R3HDM1: variants seen among roughly 807,000 people sequenced by gnomAD.
R3HDM1 encodes the protein R3H domain-containing protein 1.
R3HDM1 carries 46 observed loss-of-function variants against 141.1 expected under a neutral mutation model. The ratio of observed to expected loss-of-function variants is 0.33; its 90% CI spans 0.26 to 0.42. The LOEUF is 0.42. Ranked by LOEUF, R3HDM1 falls within the 10% of genes least tolerant of loss-of-function variation. The pLI, the probability that R3HDM1 is intolerant of heterozygous loss-of-function variation, is 1.00. For synonymous variants in R3HDM1, 435 were observed against 472.9 expected (o/e 0.92, Z 1.04); for missense variants, 1,184 against 1,368.3 (o/e 0.87, Z 2.12).
At chr2:135,717,798 G>A (rs1387701509) in intron 24 of R3HDM1, among the ~76,000 whole-genome samples, 1 of 152,198 alleles carries the variant, frequency 6.6e-6, no homozygotes, top group Admixed American at 6.5e-5. Flanking sequence ...AGTTTCCTAA[G>A]ACTTTAATCA....
intron 5 of R3HDM1, 55 bp downstream of exon 5, chr2:135,616,812 G>C: frequency 7.2e-7 from 1 of 1,395,184 alleles, no homozygotes; most frequent in Non-Finnish European, 1.0e-6. Context: ...GAGAATTTTT[G>C]TATATGATTT....
intron 7 of R3HDM1, among the ~76,000 whole-genome samples, chr2:135,629,638 A>G (rs890018475): frequency 6.6e-6 from 1 of 152,240 alleles, no homozygotes; most frequent in Non-Finnish European, 1.5e-5. Flanking sequence ...AAAGGGGAAC[A>G]GCATGTTCAA....
chr2:135,666,953 G>A (rs991721185), intron 19 of R3HDM1: 12 of 274,984 alleles, frequency 4.4e-5, no homozygotes, highest in African/African-American at 2.8e-4. Flanking sequence ...TACCTTCACA[G>A]TGCTTCTATT....
chr2:135,661,158 C>T (rs2066650892), intron 18 of R3HDM1, 112 bp from the exon 19 acceptor site: 25 of 1,274,478 alleles, frequency 2.0e-5, no homozygotes, highest in South Asian at 1.7e-4. Context: ...ATCAGTTTTC[C>T]AATGATTAGT....
chr2:135,581,172 A>G (rs1326580423), intron 1 of R3HDM1: 1 of 984,394 alleles, frequency 1.0e-6, no homozygotes, highest in Non-Finnish European at 1.2e-6. Flanking sequence ...CTAAGCAGGA[A>G]CTAATAATGG....
chr2:135,554,446 A>G (rs975623112), intron 1 of R3HDM1, among the ~76,000 whole-genome samples: 2 of 152,168 alleles, frequency 1.3e-5, no homozygotes, highest in Non-Finnish European at 2.9e-5. Context: ...TTTTTTGGTT[A>G]TTGTGAGCAT....
intron 3 of R3HDM1, among the ~76,000 whole-genome samples, chr2:135,608,350 A>G (rs1230653618): frequency 6.6e-6 from 1 of 151,752 alleles, no homozygotes; most frequent in Non-Finnish European, 1.5e-5. Flanking sequence ...ATAATTTACT[A>G]TATGTAAGAA....
rs1053868131 is a variant in R3HDM1 at position 135,561,368 on chromosome 2, C to G, written c.-250+29735C>G. ...TTATCCAAAGATAGTTTTCAGGTCTCCCTGGTCTGTTAACGTGGAGAAAAC... is the reference window on the plus strand; with the variant it reads ...TTATCCAAAGATAGTTTTCAGGTCTGCCTGGTCTGTTAACGTGGAGAAAAC... On this transcript the variant is annotated intron_variant, in intron 1 of 26. Coordinates refer to ENST00000683871, the MANE Select transcript of R3HDM1 (RefSeq NM_001378107.1). 3 of 964,622 alleles carry G rather than the reference C, an allele frequency of 3.1e-6. No individual in the cohort carries two copies. The African/African-American group carries it at 5.3e-5, about 17-fold the overall frequency. 59.8% of individuals were successfully genotyped at this position (964,622 alleles called of 1,614,324 possible).
chr2:135,548,988 TTA>T (rs1313451427), intron 1 of R3HDM1, among the ~76,000 whole-genome samples: 1 of 152,222 alleles, frequency 6.6e-6, no homozygotes, highest in Non-Finnish European at 1.5e-5. Context: ...GTCAAACGTT[TTA>T]TGATTTCTTG....
At chr2:135,688,001 T>C (rs1218262596) in intron 21 of R3HDM1, among the ~76,000 whole-genome samples, 4 of 152,350 alleles carry the variant, frequency 2.6e-5, no homozygotes, top group East Asian at 1.9e-4. Context: ...TTGATACTTA[T>C]TGTACTTTCT....
At chr2:135,697,389 T>G (rs775442714) in intron 21 of R3HDM1, among the ~76,000 whole-genome samples, 2 of 152,200 alleles carry the variant, frequency 1.3e-5, no homozygotes, top group Non-Finnish European at 2.9e-5. Flanking sequence ...ACTAGCTGGC[T>G]CTTGCAGAAA....
chr2:135,602,903 A>C (rs527979155), intron 2 of R3HDM1, among the ~76,000 whole-genome samples, 195 bp downstream of exon 2: 3 of 152,138 alleles, frequency 2.0e-5, no homozygotes, highest in Admixed American at 2.0e-4. Flanking sequence ...AATTCAGTTC[A>C]GTCTGTCTGT....
chr2:135,670,542 A>G (rs1452127575), intron 19 of R3HDM1: 2 of 363,748 alleles, frequency 5.5e-6, no homozygotes, highest in Non-Finnish European at 7.6e-6. Context: ...AGTCTGTGTC[A>G]TATAACCCCA....
chr2:135,646,187 G>A (rs2064381311), intron 16 of R3HDM1, among the ~76,000 whole-genome samples: 1 of 148,778 alleles, frequency 6.7e-6, no homozygotes, highest in Non-Finnish European at 1.5e-5. Flanking sequence ...CCCGGCTGGA[G>A]TGCAGTGAAG....
At chr2:135,595,873 C>A (rs1160485946) in intron 1 of R3HDM1, among the ~76,000 whole-genome samples, 1 of 152,166 alleles carries the variant, frequency 6.6e-6, no homozygotes, top group African/African-American at 2.4e-5. Context: ...TCAAAACTTT[C>A]ATTTTGTTTG....
intron 14 of R3HDM1, among the ~76,000 whole-genome samples, chr2:135,640,838 G>A (rs1358704435): frequency 1.3e-5 from 2 of 151,978 alleles, no homozygotes; most frequent in African/African-American, 2.4e-5. Flanking sequence ...AATAGAAAAT[G>A]GAATAAATTG....
At chr2:135,709,645 T>C in intron 22 of R3HDM1, 109 bp downstream of exon 22, 1 of 1,303,392 alleles carries the variant, frequency 7.7e-7, no homozygotes, top group Non-Finnish European at 1.1e-6. Context: ...TGTGCTGAAA[T>C]ACACCCACAA....
chr2:135,676,436 C>T (rs2069188832), intron 20 of R3HDM1, among the ~76,000 whole-genome samples: 1 of 152,076 alleles, frequency 6.6e-6, no homozygotes, highest in Non-Finnish European at 1.5e-5. Context: ...ATTTGTTTTA[C>T]CTTTATATTT....
rs1264974153 is a variant in R3HDM1 at position 135,661,254 on chromosome 2, A to G, written c.2029-16A>G. On this transcript the variant is annotated splice_polypyrimidine_tract_variant and intron_variant, in intron 18 of 26. Coordinates refer to ENST00000683871, the MANE Select transcript of R3HDM1 (RefSeq NM_001378107.1). ...CAAGTAAAATTGATTTTTTCCCGCA[A>G]TATTTATGATCCTAGATGCCAGCCT... 6.2e-7 allele frequency: 1 copy of G among 1,612,890 alleles called. No homozygotes were observed. The highest frequency in any genetic ancestry group is 1.3e-5 in the African/African-American group (1 of 74,880).
Sources: allele counts gnomAD v4.1 joint callset (sites outside exome capture counted in the v4.1 genomes callset), GRCh38; gene constraint gnomAD v4.1.1; transcripts MANE v1.5; gene names NCBI Gene and HGNC (gene_info 2026-07-23, HGNC 2026-07-21).